The following PDE1A variants were observed in gnomAD, a reference collection of about 807,000 sequenced individuals.
PDE1A encodes the protein dual specificity calcium/calmodulin-dependent 3',5'-cyclic nucleotide phosphodiesterase 1A.
A neutral mutation model predicts 61.7 loss-of-function variants in PDE1A; 35 were observed. The ratio of observed to expected loss-of-function variants is 0.57; its 90% confidence interval spans 0.43 to 0.75. PDE1A has a LOEUF of 0.75. Among genes scored for constraint, PDE1A ranks in the 30% least tolerant of loss-of-function variants. The pLI is 0.00. For missense variants in PDE1A, 597 were observed against 630.6 expected (o/e 0.95, Z 0.57); for synonymous variants, 232 against 213.2 (o/e 1.09, Z -0.77).
chr2:182,560,994 C>A, the PDE1A span, among the ~76,000 whole-genome samples: 10 of 149,624 alleles, frequency 6.7e-5, no homozygotes, highest in Non-Finnish European at 1.2e-4. Flanking sequence ...AATTTTCTCC[C>A]ATTTTGTAGG....
chr2:182,491,385 TG>T (rs1455132023), intron 2 of PDE1A, among the ~76,000 whole-genome samples: 1 of 151,950 alleles, frequency 6.6e-6, no homozygotes, highest in African/African-American at 2.4e-5. Flanking sequence ...TTAAGCTTCT[TG>T]GGGGGACATG....
chr2:182,257,927 G>C (rs556533621), intron 2 of PDE1A, among the ~76,000 whole-genome samples: 1 of 152,268 alleles, frequency 6.6e-6, no homozygotes, highest in Non-Finnish European at 1.5e-5. Context: ...CAGCACTTTG[G>C]GGGGCCGAGG....
chr2:182,487,881 T>C (rs561447889), intron 2 of PDE1A, among the ~76,000 whole-genome samples: 6 of 152,154 alleles, frequency 3.9e-5, no homozygotes, highest in Admixed American at 2.0e-4. Flanking sequence ...TAATGAAAGA[T>C]ATCCTGTAGC....
chr2:182,211,037 A>C (rs1402156285), intron 7 of PDE1A, among the ~76,000 whole-genome samples: 1 of 152,212 alleles, frequency 6.6e-6, no homozygotes, highest in Non-Finnish European at 1.5e-5. Context: ...CAGAGAGTGC[A>C]AGAGAGCAAA....
chr2:182,157,004 ATT>A (rs1691121428), intron 13 of PDE1A, among the ~76,000 whole-genome samples: 1 of 139,936 alleles, frequency 7.1e-6, no homozygotes, highest in Non-Finnish European at 1.5e-5. Context: ...TTATTATTTT[ATT>A]TTATTTTATT....
intron 7 of PDE1A, among the ~76,000 whole-genome samples, chr2:182,211,417 T>C (rs964032747): frequency 1.3e-5 from 2 of 152,230 alleles, no homozygotes; most frequent in African/African-American, 4.8e-5. Flanking sequence ...TTGATTACTG[T>C]GGTTTTGTAG....
At chr2:182,301,146 A>G (rs1443825298) in intron 1 of PDE1A, among the ~76,000 whole-genome samples, 1 of 152,198 alleles carries the variant, frequency 6.6e-6, no homozygotes, top group Non-Finnish European at 1.5e-5. Context: ...TAAAGAACCC[A>G]TATTACAGCA....
At chr2:182,470,397 C>T (rs531623650) in intron 2 of PDE1A, among the ~76,000 whole-genome samples, 4 of 151,862 alleles carry the variant, frequency 2.6e-5, no homozygotes, top group South Asian at 2.1e-4. Context: ...TCTAAATGTT[C>T]GGTATAATTC....
At chr2:182,365,565 G>A (rs1699790114) in intron 1 of PDE1A, among the ~76,000 whole-genome samples, 1 of 151,898 alleles carries the variant, frequency 6.6e-6, no homozygotes, top group South Asian at 2.1e-4. Flanking sequence ...TTAATTATCG[G>A]TTGTAAATTG....
chr2:182,514,282 T>A, intron 2 of PDE1A, among the ~76,000 whole-genome samples: 1 of 152,190 alleles, frequency 6.6e-6, no homozygotes, highest in East Asian at 1.9e-4. Context: ...TCAATGTTAT[T>A]CCTATCAAAC....
At chr2:182,403,366 G>A (rs922954565) in intron 1 of PDE1A, among the ~76,000 whole-genome samples, 9 of 151,910 alleles carry the variant, frequency 5.9e-5, no homozygotes, top group Admixed American at 2.6e-4. Flanking sequence ...TTAGGAGGCC[G>A]AGGCGGGTGG....
At chr2:182,272,080 A>G (rs1158338325) in intron 1 of PDE1A, among the ~76,000 whole-genome samples, 2 of 152,190 alleles carry the variant, frequency 1.3e-5, no homozygotes, top group Non-Finnish European at 2.9e-5. Flanking sequence ...CAAGATGGAT[A>G]CTAGAATAAT....
At position 182,176,399 on chromosome 2, in the gene PDE1A, A is replaced by C. The variant is rs1414689837; in HGVS notation, c.1517-8109T>G. 1.3e-5 allele frequency among the ~76,000 whole-genome samples: 2 copies of C among 148,664 alleles called. 1 individual carries two copies. Among genetic ancestry groups the C allele is most frequent in the Middle Eastern group, 6.3e-3 (2 of 316 alleles). On this transcript the variant is annotated intron_variant, in intron 13 of 13. Transcript: ENST00000351439. Reference sequence around the variant, plus strand: ...GTAGTTCCCTTTGAAGAGGTCCTTCACATCCCTTGTAAGTTGGATTCCTAG... The same window carrying C: ...GTAGTTCCCTTTGAAGAGGTCCTTCCCATCCCTTGTAAGTTGGATTCCTAG...
chr2:182,630,993 A>G, the PDE1A span, among the ~76,000 whole-genome samples: 13 of 152,168 alleles, frequency 8.5e-5, no homozygotes, highest in African/African-American at 2.6e-4. Context: ...CGTTGTGTGT[A>G]TATATATATG....
At chr2:182,332,704 C>T (rs1461912608) in intron 1 of PDE1A, among the ~76,000 whole-genome samples, 3 of 152,122 alleles carry the variant, frequency 2.0e-5, no homozygotes, top group Non-Finnish European at 2.9e-5. Flanking sequence ...GCAGCCTGCT[C>T]CTTCCTCTGG....
rs188272705 is a variant in PDE1A, at chr2:182,515,940, G to A, written c.101+6336C>T. ...AGGGCTTCACCACTAGGGATTGTGC[G>A]TGTGTGTGTGTTTCTGTGTGTGTGT... is the stretch of plus-strand genomic sequence containing the variant. On this transcript the variant is annotated intron_variant, in intron 2 of 14. Transcript: ENST00000410103. 2.8e-4 allele frequency among the ~76,000 whole-genome samples: 33 copies of A among 119,708 alleles called. 1 individual carries two copies. The East Asian group carries it at 6.7e-3, about 24-fold the overall frequency. 78.5% of individuals were successfully genotyped at this position (119,708 alleles called of 152,430 possible).
chr2:182,467,449 C>T (rs1037825213), intron 2 of PDE1A, among the ~76,000 whole-genome samples: 5 of 151,816 alleles, frequency 3.3e-5, no homozygotes, highest in Admixed American at 1.3e-4. Flanking sequence ...ACCCAGATAG[C>T]TTCAATGGGG....
intron 1 of PDE1A, among the ~76,000 whole-genome samples, chr2:182,350,766 G>A (rs1260087532): frequency 1.3e-5 from 2 of 152,134 alleles, no homozygotes; most frequent in African/African-American, 2.4e-5. Flanking sequence ...CATGGCCAGA[G>A]CAGTGCCAGA....
At chr2:182,687,030 G>A in the PDE1A span, among the ~76,000 whole-genome samples, 6 of 152,194 alleles carry the variant, frequency 3.9e-5, no homozygotes, top group East Asian at 1.9e-4. Context: ...AAAGCAGCCC[G>A]CTGGGAAGCT....
Sources: allele counts gnomAD v4.1 joint callset (sites outside exome capture counted in the v4.1 genomes callset), GRCh38; gene constraint gnomAD v4.1.1; transcripts MANE v1.5; gene names NCBI Gene and HGNC (gene_info 2026-07-23, HGNC 2026-07-21).